Variants in CUBN observed in about 807,000 individuals in gnomAD.
CUBN encodes the protein cubilin.
In CUBN, 282 loss-of-function variants were observed where a neutral mutation model predicts 405.3. That is an observed-to-expected ratio of 0.70 (90% CI 0.63 to 0.77). CUBN has a LOEUF of 0.77. CUBN is among the 30% of genes least tolerant of loss of function. The probability of loss-of-function intolerance (pLI) is 0.00; values close to 1 mark genes in which losing one functional copy is unlikely to be tolerated. For synonymous variants in CUBN, 1,684 were observed against 1,617.0 expected (o/e 1.04, Z -0.99); for missense variants, 4,514 against 4,475.2 (o/e 1.01, Z -0.25).
intron 59 of CUBN, among the ~76,000 whole-genome samples, chr10:16,857,741 C>T (rs113495448): frequency 3.0e-4 from 45 of 152,290 alleles, no homozygotes; most frequent in African/African-American, 8.4e-4. Context: ...AAATACTAAA[C>T]GCTTTCTCCC....
chr10:17,075,073 CTTTTTTTTTTTTTTT>C (rs957929670), intron 17 of CUBN, among the ~76,000 whole-genome samples: 4 of 65,328 alleles, frequency 6.1e-5, no homozygotes, highest in South Asian at 6.6e-4. Context: ...TCTTTGTTTT[CTTTTTTTTTTTTTTT>C]TTTTTTTTTT....
intron 26 of CUBN, among the ~76,000 whole-genome samples, chr10:17,041,551 G>T (rs1308064491): frequency 6.6e-6 from 1 of 152,086 alleles, no homozygotes; most frequent in East Asian, 1.9e-4. Flanking sequence ...GAATAACTTG[G>T]TTATATTCAG....
intron 59 of CUBN, among the ~76,000 whole-genome samples, chr10:16,862,282 T>C (rs747767641): frequency 6.6e-6 from 1 of 152,122 alleles, no homozygotes; most frequent in South Asian, 2.1e-4. Context: ...GTCAAACTCA[T>C]GTTCAAAGCC....
rs978352091 is a variant in CUBN, at chr10:17,068,825, T to C, written c.2626-55A>G. 4.6e-6 allele frequency: 6 copies of C among 1,298,698 alleles called. No individual in the cohort carries two copies. The African/African-American group carries it at 7.4e-5, about 16-fold the overall frequency. The allele number at this position is 1,298,698 out of a possible 1,614,324, so 80.4% of individuals were successfully genotyped here. A position where few individuals can be genotyped will look rare whatever the true frequency, so the allele number is the denominator to read the frequency against. Reference sequence around the variant, plus strand: ...GTTGTATATCAATTTTGAAAACTGCTTCAAGAATAATTATTTCTGAAATGT... The same window carrying C: ...GTTGTATATCAATTTTGAAAACTGCCTCAAGAATAATTATTTCTGAAATGT... On this transcript the variant is annotated intron_variant, in intron 19 of 66. Coordinates refer to ENST00000377833, the MANE Select transcript of CUBN (RefSeq NM_001081.4).
At chr10:17,098,453 A>G (rs1032094658) in intron 14 of CUBN, among the ~76,000 whole-genome samples, 11 of 152,240 alleles carry the variant, frequency 7.2e-5, no homozygotes, top group Admixed American at 7.2e-4. Flanking sequence ...TATCTGTGAA[A>G]ACTTACAGCT....
At chr10:17,013,684 T>C (rs1449069807) in intron 28 of CUBN, among the ~76,000 whole-genome samples, 1 of 152,258 alleles carries the variant, frequency 6.6e-6, no homozygotes, top group Non-Finnish European at 1.5e-5. Context: ...ATAAGCATAC[T>C]TGCTATCTGT....
intron 31 of CUBN, among the ~76,000 whole-genome samples, chr10:16,980,478 T>G (rs1442662609): frequency 6.6e-6 from 1 of 152,248 alleles, no homozygotes; most frequent in South Asian, 2.1e-4. Context: ...AAAGAAAATG[T>G]GGCACCTATA....
In CUBN at chr10:17,050,198, T is replaced by C. The variant is rs562772827; in HGVS notation, c.3140-2595A>G. 7.2e-5 allele frequency among the ~76,000 whole-genome samples: 11 copies of C among 152,334 alleles called. No individual in the cohort carries two copies. The South Asian group carries it at 2.3e-3, about 32-fold the overall frequency. On this transcript the variant is annotated intron_variant, in intron 22 of 66. Transcript: ENST00000377833. ...ATCCTGGTTGGCTGAGGTTCTTTAA[T>C]ATTTTTTTAATTCCAGCTATGACAA...
chr10:17,125,851 T>C (rs1174600697), intron 4 of CUBN, among the ~76,000 whole-genome samples: 1 of 152,206 alleles, frequency 6.6e-6, no homozygotes, highest in Non-Finnish European at 1.5e-5. Context: ...TCATTTTCTT[T>C]CGCTTAACTA....
chr10:17,070,218 T>C (rs1467671998), intron 19 of CUBN, among the ~76,000 whole-genome samples: 1 of 152,216 alleles, frequency 6.6e-6, no homozygotes, highest in African/African-American at 2.4e-5. Flanking sequence ...TTGTGTTCCA[T>C]AGATCTATAT....
At chr10:16,869,593 G>T in intron 59 of CUBN, 43 bp downstream of exon 59, 1 of 1,357,288 alleles carries the variant, frequency 7.4e-7, no homozygotes, top group Non-Finnish European at 1.1e-6. Context: ...AAGCAGAAAG[G>T]TAACAGTCCT....
chr10:16,914,932 T>C (rs1472619161), intron 47 of CUBN, 100 bp downstream of exon 47: 2 of 1,019,444 alleles, frequency 2.0e-6, no homozygotes, highest in Non-Finnish European at 3.0e-6. Flanking sequence ...ATAGGGGTCA[T>C]GTTTTGTTTT....
chr10:17,023,161 T>TC (rs1326772619), intron 27 of CUBN, among the ~76,000 whole-genome samples: 2 of 151,448 alleles, frequency 1.3e-5, no homozygotes, highest in Non-Finnish European at 2.9e-5. Flanking sequence ...TCTCAGCTGT[T>TC]CAGTGGTCTT....
chr10:17,047,857 G>C (rs1292641399), intron 22 of CUBN, among the ~76,000 whole-genome samples: 1 of 152,020 alleles, frequency 6.6e-6, no homozygotes, highest in Non-Finnish European at 1.5e-5. Flanking sequence ...TTTAAGTCTT[G>C]AAAGTGTTAC....
intron 22 of CUBN, among the ~76,000 whole-genome samples, chr10:17,052,870 T>A (rs1835305887): frequency 6.9e-6 from 1 of 145,896 alleles, no homozygotes; most frequent in South Asian, 2.2e-4. Flanking sequence ...GTAAAAGATA[T>A]AACTAAAACA....
chr10:16,918,649 CAT>C lies in CUBN; in HGVS notation c.6971_6972del (p.His2324ArgfsTer24). 2 of 1,613,880 alleles carry C rather than the reference CAT, an allele frequency of 1.2e-6. No homozygotes were observed. The highest frequency in any genetic ancestry group is 1.7e-4 in the Middle Eastern group (1 of 6,060). The stretch of plus-strand genomic sequence containing the variant: ...ATAGAATACTTGGCCTTGAATCCCA[CAT>C]GTGTGGGGCTGTTGTCAGATCGAAA... ...LRFRSDNSPT[H>X]VGFKAKYSIA... On this transcript the variant is annotated frameshift_variant, in exon 45 of 67. Coordinates refer to ENST00000377833, the MANE Select transcript of CUBN (RefSeq NM_001081.4). LOFTEE classifies it high-confidence loss of function.
chr10:16,832,578 C>A (rs558887151), intron 64 of CUBN, among the ~76,000 whole-genome samples: 1 of 152,236 alleles, frequency 6.6e-6, no homozygotes, highest in African/African-American at 2.4e-5. Flanking sequence ...TGAGTTTGGG[C>A]GTTTTTCCCT....
At chr10:17,077,031 T>C (rs1462683959) in intron 17 of CUBN, among the ~76,000 whole-genome samples, 3 of 152,252 alleles carry the variant, frequency 2.0e-5, no homozygotes, top group Admixed American at 1.3e-4. Context: ...ACTGAATTTT[T>C]CTAAGTCAGG....
Position 17,129,591 on chromosome 10 carries a change from T to C in CUBN, c.122+53A>G. 3 of 1,612,344 alleles carry C rather than the reference T, an allele frequency of 1.9e-6. No individual in the cohort carries two copies. In the South Asian group the frequency reaches 3.3e-5, roughly 18 times the overall value. ...TGTTTATCTGGCTATTTGGGAAAACTGGTGAGGAATTAGCCTAGTCCCTGA... is the reference window on the plus strand; with the variant it reads ...TGTTTATCTGGCTATTTGGGAAAACCGGTGAGGAATTAGCCTAGTCCCTGA... On this transcript the variant is annotated intron_variant, in intron 1 of 66. Transcript: ENST00000377833.
Sources: gnomAD v4.1 joint callset for allele counts (sites outside exome capture counted in the v4.1 genomes callset) on GRCh38, gnomAD v4.1.1 for gene constraint, MANE v1.5 for transcripts, NCBI Gene and HGNC (gene_info 2026-07-23, HGNC 2026-07-21) for gene names.